Variants in EPHA6 observed in about 807,000 individuals in gnomAD.
EPHA6 encodes ephrin type-A receptor 6.
EPHA6 carries 50 observed loss-of-function variants against 112.0 expected under a neutral mutation model. The observed-to-expected ratio is 0.45, with a 90% confidence interval of 0.36 to 0.56. The LOEUF (loss-of-function observed/expected upper bound fraction) is 0.56, where lower values mean the gene tolerates loss of function less well. EPHA6 is among the 20% of genes least tolerant of loss of function. The pLI, the probability that EPHA6 is intolerant of heterozygous loss-of-function variation, is 0.00. For missense variants in EPHA6, 1,280 were observed against 1,417.4 expected (o/e 0.90, Z 1.56); for synonymous variants, 529 against 490.7 (o/e 1.08, Z -1.03).
intron 3 of EPHA6, among the ~76,000 whole-genome samples, chr3:97,069,089 A>G (rs1008013653): frequency 2.0e-5 from 3 of 152,074 alleles, no homozygotes; most frequent in Non-Finnish European, 2.9e-5. Context: ...ACAGTTGAAA[A>G]TTCACATGTA....
intron 1 of EPHA6, among the ~76,000 whole-genome samples, chr3:96,855,489 A>C (rs999623952): frequency 2.1e-5 from 3 of 145,496 alleles, no homozygotes; most frequent in African/African-American, 5.7e-5. Context: ...ACAGTTACTG[A>C]AACAGAGAAA....
intron 5 of EPHA6, among the ~76,000 whole-genome samples, chr3:97,356,371 G>A (rs531129933): frequency 1.3e-5 from 2 of 152,156 alleles, no homozygotes; most frequent in African/African-American, 2.4e-5. Flanking sequence ...TAAATGTAAT[G>A]TGCTTGAATC....
intron 3 of EPHA6, among the ~76,000 whole-genome samples, chr3:97,114,927 T>C (rs1481294067): frequency 6.6e-6 from 1 of 151,960 alleles, no homozygotes; most frequent in Non-Finnish European, 1.5e-5. Flanking sequence ...AACTAACTCT[T>C]AAGAGTGGAT....
At chr3:96,940,996 G>A (rs891505135) in intron 2 of EPHA6, among the ~76,000 whole-genome samples, 4 of 151,732 alleles carry the variant, frequency 2.6e-5, no homozygotes, top group African/African-American at 7.3e-5. Flanking sequence ...TTCCCTTTGT[G>A]GGTAACCCGA....
intron 3 of EPHA6, among the ~76,000 whole-genome samples, chr3:97,202,715 A>C (rs2077609767): frequency 6.6e-6 from 1 of 152,174 alleles, no homozygotes; most frequent in South Asian, 2.1e-4. Context: ...TGTTGACTAT[A>C]GGAGTCATAC....
Position 97,628,343 on chromosome 3 carries a change from G to A in EPHA6, c.2575-9530G>A, listed in dbSNP as rs561161005. Among the ~76,000 whole-genome samples, 134 of 152,032 alleles carry A rather than the reference G, an allele frequency of 8.8e-4. 1 individual carries two copies. The highest frequency in any genetic ancestry group is 7.8e-4 in the East Asian group (4 of 5,152). On this transcript the variant is annotated intron_variant, in intron 13 of 17. Coordinates refer to ENST00000389672, the MANE Select transcript of EPHA6 (RefSeq NM_001080448.3). ...TACGTACAAAATAAGTTCAATGATAGGCAATAACTGTTTCCTAAGGTTATT... is the reference window on the plus strand; with the variant it reads ...TACGTACAAAATAAGTTCAATGATAAGCAATAACTGTTTCCTAAGGTTATT...
intron 3 of EPHA6, among the ~76,000 whole-genome samples, chr3:97,059,022 C>T (rs925311967): frequency 2.6e-5 from 4 of 151,974 alleles, no homozygotes; most frequent in Admixed American, 6.6e-5. Context: ...GCCTGAACAG[C>T]GGAGTCTTTA....
At chr3:97,448,460 T>C in intron 6 of EPHA6, 108 bp from the exon 7 acceptor site, 1 of 1,167,816 alleles carries the variant, frequency 8.6e-7, no homozygotes, top group Non-Finnish European at 1.2e-6. Flanking sequence ...TTGTAATCAA[T>C]ACTTTTGGTA....
chr3:97,276,983 T>C (rs976642809), intron 5 of EPHA6, among the ~76,000 whole-genome samples: 2 of 151,020 alleles, frequency 1.3e-5, no homozygotes, highest in African/African-American at 4.9e-5. Flanking sequence ...GATTATAGGG[T>C]GGAGGAGCAG....
At chr3:97,469,084 T>C (rs6775786) in intron 7 of EPHA6, among the ~76,000 whole-genome samples, 29,147 of 151,648 alleles carry the variant, frequency 0.19, 4,257 homozygotes, top group African/African-American at 0.39. Context: ...ATATTGGACT[T>C]ATCTCAGTAT....
At chr3:96,835,247 T>A (rs1329162021) in intron 1 of EPHA6, among the ~76,000 whole-genome samples, 1 of 152,104 alleles carries the variant, frequency 6.6e-6, no homozygotes, top group Non-Finnish European at 1.5e-5. Context: ...GAATTTACTG[T>A]TTAATACAAA....
chr3:97,168,988 C>A (rs1286350729), intron 3 of EPHA6, among the ~76,000 whole-genome samples: 2 of 152,078 alleles, frequency 1.3e-5, no homozygotes, highest in East Asian at 1.9e-4. Flanking sequence ...TGATAATGGA[C>A]TAATATACAC....
intron 4 of EPHA6, among the ~76,000 whole-genome samples, chr3:97,227,237 C>A: frequency 7.5e-6 from 1 of 132,918 alleles, no homozygotes; most frequent in Non-Finnish European, 1.6e-5. Flanking sequence ...TTTTTTTTTT[C>A]GAGACAGAGT....
intron 16 of EPHA6, among the ~76,000 whole-genome samples, chr3:97,746,669 T>G (rs1260518307): frequency 6.6e-6 from 1 of 151,860 alleles, no homozygotes; most frequent in African/African-American, 2.4e-5. Flanking sequence ...TACTTCCCCT[T>G]GCATCAGATC....
rs563916397 is a variant in EPHA6, at chr3:96,822,714, T to A, written c.385+7706T>A. Reference sequence around the variant, plus strand: ...ATTTAAAAGTATATTTTAAATAATTTTATATATAATTTATTATGTTAATTC... The same window carrying A: ...ATTTAAAAGTATATTTTAAATAATTATATATATAATTTATTATGTTAATTC... On this transcript the variant is annotated intron_variant, in intron 1 of 17. Coordinates refer to ENST00000389672, the MANE Select transcript of EPHA6 (RefSeq NM_001080448.3). Among the ~76,000 whole-genome samples the A allele has an allele frequency of 3.3e-5, 5 of 150,204 alleles. No homozygotes were observed. In the East Asian group the frequency reaches 7.7e-4, roughly 23 times the overall value.
intron 3 of EPHA6, among the ~76,000 whole-genome samples, chr3:97,133,692 A>T (rs998788097): frequency 6.6e-6 from 1 of 152,024 alleles, no homozygotes; most frequent in Admixed American, 6.6e-5. Context: ...CTGGAATGGC[A>T]TAAAGGTGCT....
chr3:97,397,952 G>T (rs1325588032), intron 5 of EPHA6, among the ~76,000 whole-genome samples: 2 of 151,410 alleles, frequency 1.3e-5, no homozygotes, highest in African/African-American at 4.8e-5. Flanking sequence ...AGATTTTAGG[G>T]TTTAGGACAT....
At position 97,605,294 on chromosome 3, in the gene EPHA6, G is replaced by T. The variant is rs533631156; in HGVS notation, c.2513-5499G>T. Among the ~76,000 whole-genome samples, 6 of 151,458 alleles carry T rather than the reference G, an allele frequency of 4.0e-5. No homozygotes were observed. In the East Asian group the frequency reaches 7.7e-4, roughly 20 times the overall value. ...TTCAGGAAATTATGAGTCACTGAGA[G>T]AAATTGTAAAGGAGCCATAAACTCT... is the stretch of plus-strand genomic sequence containing the variant. On this transcript the variant is annotated intron_variant, in intron 12 of 17. Coordinates refer to ENST00000389672, the MANE Select transcript of EPHA6 (RefSeq NM_001080448.3).
chr3:97,066,062 G>T (rs6778344), intron 3 of EPHA6, among the ~76,000 whole-genome samples: 1,954 of 152,074 alleles, frequency 0.013, 41 homozygotes, highest in African/African-American at 0.043. Flanking sequence ...CATGATGGGT[G>T]TTCAATAAAT....
Sources: gnomAD v4.1 joint callset for allele counts (sites outside exome capture counted in the v4.1 genomes callset) on GRCh38, gnomAD v4.1.1 for gene constraint, MANE v1.5 for transcripts, NCBI Gene and HGNC (gene_info 2026-07-23, HGNC 2026-07-21) for gene names.